OPALIN: variants seen among roughly 807,000 people sequenced by gnomAD.
OPALIN encodes the protein transmembrane protein 10.
In OPALIN, 15 loss-of-function variants were observed where a neutral mutation model predicts 17.8. The observed-to-expected ratio is 0.84, with a 90% CI of 0.56 to 1.29. The LOEUF (loss-of-function observed/expected upper bound fraction) is 1.29. OPALIN is among the 50% of genes most tolerant of loss of function. OPALIN has a pLI of 0.00. For missense variants in OPALIN, 170 were observed against 176.0 expected, an observed-to-expected ratio of 0.97 and a Z score of 0.19; for synonymous variants, 62 against 63.8, an observed-to-expected ratio of 0.97 and a Z score of 0.14.
intron 1 of OPALIN, chr10:96,356,864 G>C: frequency 1.0e-6 from 1 of 984,832 alleles, no homozygotes; most frequent in Non-Finnish European, 1.2e-6. Flanking sequence ...TCAAGAATTT[G>C]AACAGGTTTC....
Position 96,346,121 on chromosome 10 carries a change from A to C in OPALIN, c.250-4T>G. Reference sequence around the variant, plus strand: ...GTGTGGGTGATCTCCTAGGATTCTTAAGGAAACAAATAGGTTTTTTAAAAA... The same window carrying C: ...GTGTGGGTGATCTCCTAGGATTCTTCAGGAAACAAATAGGTTTTTTAAAAA... On this transcript the variant is annotated splice_region_variant and splice_polypyrimidine_tract_variant and intron_variant, in intron 5 of 5. Transcript: ENST00000371172. 2 of 1,612,714 alleles carry C rather than the reference A, an allele frequency of 1.2e-6. No homozygotes were observed. Among genetic ancestry groups the C allele is most frequent in the African/African-American group, 2.7e-5 (2 of 74,964 alleles).
chr10:96,357,088 G>T lies in OPALIN; in HGVS notation c.4-1798C>A, dbSNP rs994536388. ...TAGGTCAGGGTCCTCTTGCTCAAGG[G>T]ACCTAACCACTGCTCTTCACGCTAG... On this transcript the variant is annotated intron_variant, in intron 1 of 5. Coordinates refer to ENST00000371172, the MANE Select transcript of OPALIN (RefSeq NM_033207.5). The T allele has an allele frequency of 9.1e-6, 9 of 985,330 alleles. No homozygotes were observed. In the East Asian group the frequency reaches 7.9e-4, roughly 87 times the overall value. The allele number at this position is 985,330 out of a possible 1,614,324, so 61.0% of individuals were successfully genotyped here. A position where few individuals can be genotyped will look rare whatever the true frequency, so the allele number is the denominator to read the frequency against.
intron 5 of OPALIN, among the ~76,000 whole-genome samples, chr10:96,347,298 T>C (rs1299089232): frequency 6.6e-6 from 1 of 152,104 alleles, no homozygotes; most frequent in Non-Finnish European, 1.5e-5. Flanking sequence ...TTCACCATGT[T>C]GGCCAGGCTG....
intron 2 of OPALIN, among the ~76,000 whole-genome samples, chr10:96,351,651 G>A (rs1845587155): frequency 6.6e-6 from 1 of 152,182 alleles, no homozygotes; most frequent in African/African-American, 2.4e-5. Context: ...TATTCACCCT[G>A]TGGATGTACC....
At chr10:96,348,785 G>T (rs1214505748) in intron 4 of OPALIN, among the ~76,000 whole-genome samples, 3 of 152,210 alleles carry the variant, frequency 2.0e-5, no homozygotes, top group African/African-American at 4.8e-5. Context: ...TGCACTGGAG[G>T]TTGAGAAACT....
At chr10:96,349,222 C>T (rs1845466606) in intron 4 of OPALIN, among the ~76,000 whole-genome samples, 1 of 152,006 alleles carries the variant, frequency 6.6e-6, no homozygotes, top group Admixed American at 6.6e-5. Flanking sequence ...AAGCATAGTC[C>T]CCAGAACAGT....
intron 5 of OPALIN, among the ~76,000 whole-genome samples, 198 bp from the exon 6 acceptor site, chr10:96,346,315 A>G (rs1845320818): frequency 6.6e-6 from 1 of 152,224 alleles, no homozygotes; most frequent in African/African-American, 2.4e-5. Flanking sequence ...AAATGAGGAG[A>G]GACCCACAAT....
In OPALIN at chr10:96,358,949, T is replaced by C; in HGVS notation, c.-53A>G. 6.2e-7 allele frequency: 1 copy of C among 1,600,202 alleles called. No homozygotes were observed. The highest frequency in any genetic ancestry group is 1.7e-5 in the Admixed American group (1 of 59,952). ...CGTACACTGCCTTTGGTAAGCTCCT[T>C]TCTCACTGGCTTTATTGGCTTGTGT... On this transcript the variant is annotated 5_prime_UTR_variant, in exon 1 of 6. Coordinates refer to ENST00000371172, the MANE Select transcript of OPALIN (RefSeq NM_033207.5).
chr10:96,350,248 C>T (rs1390589727), intron 3 of OPALIN, among the ~76,000 whole-genome samples: 2 of 152,208 alleles, frequency 1.3e-5, no homozygotes, highest in South Asian at 4.1e-4. Flanking sequence ...TGGAGTCTTG[C>T]TCTGTTGCCC....
intron 1 of OPALIN, 72 bp downstream of exon 1, chr10:96,358,817 ACATTT>A: frequency 7.0e-7 from 1 of 1,427,592 alleles, no homozygotes; most frequent in Non-Finnish European, 9.9e-7. Context: ...ACTTCATTGT[ACATTT>A]AATTGAATTT....
rs774522847 is a variant in OPALIN at position 96,355,237 on chromosome 10, G to A, written c.39+18C>T. On this transcript the variant is annotated intron_variant, in intron 2 of 5. Coordinates refer to ENST00000371172, the MANE Select transcript of OPALIN (RefSeq NM_033207.5). ...GTCTTCTCTGCGTTGCCTGGTGAAT[G>A]GGGGCTGCTGTACTTACTGTGTTCG... The A allele has an allele frequency of 3.1e-6, 5 of 1,612,726 alleles. No homozygotes were observed. In the South Asian group the frequency reaches 3.3e-5, roughly 11 times the overall value.
Position 96,351,368 on chromosome 10 carries a change from A to G in OPALIN, c.72+10T>C. On this transcript the variant is annotated intron_variant, in intron 3 of 5. Transcript: ENST00000371172. Reference sequence around the variant, plus strand: ...TATCCCCATTTTATAAATTTAAGTGATATAGTTACCGTTTCTTTCCCACCT... The same window carrying G: ...TATCCCCATTTTATAAATTTAAGTGGTATAGTTACCGTTTCTTTCCCACCT... 6.8e-7 allele frequency: 1 copy of G among 1,476,654 alleles called. No homozygotes were observed. The highest frequency in any genetic ancestry group is 1.2e-5 in the South Asian group (1 of 81,732). The allele number at this position is 1,476,654 out of a possible 1,614,324, so 91.5% of individuals were successfully genotyped here.
intron 5 of OPALIN, among the ~76,000 whole-genome samples, chr10:96,347,914 G>T (rs1020198177): frequency 6.6e-6 from 1 of 152,190 alleles, no homozygotes; most frequent in African/African-American, 2.4e-5. Context: ...TAGGTATGAT[G>T]TTAGCTGTAA....
chr10:96,348,867 T>A (rs929147829), intron 4 of OPALIN, among the ~76,000 whole-genome samples: 15 of 152,208 alleles, frequency 9.9e-5, no homozygotes, highest in African/African-American at 3.4e-4. Context: ...TGTCAACACA[T>A]CTTTACATGT....
intron 2 of OPALIN, among the ~76,000 whole-genome samples, chr10:96,354,577 A>G (rs1845724791): frequency 6.6e-6 from 1 of 152,224 alleles, no homozygotes. Context: ...ATATAAAATT[A>G]TATGTAGAGT....
intron 2 of OPALIN, 91 bp downstream of exon 2, chr10:96,355,164 G>T (rs1845764180): frequency 7.9e-6 from 5 of 634,458 alleles, no homozygotes; most frequent in Middle Eastern, 3.0e-4. Flanking sequence ...ATCACCGTGT[G>T]TGAGGGGTTT....
chr10:96,344,250 C>G lies in OPALIN; in HGVS notation c.*1691G>C, dbSNP rs1470153264. The G allele has an allele frequency of 1.3e-5, 2 of 152,530 alleles. No homozygotes were observed. Among genetic ancestry groups the G allele is most frequent in the Non-Finnish European group, 2.9e-5 (2 of 68,364 alleles). 9.4% of individuals were successfully genotyped at this position (152,530 alleles called of 1,614,324 possible). A position where few individuals can be genotyped will look rare whatever the true frequency, so the allele number is the denominator to read the frequency against. ...AAACTCTTGCCTTCCCCGCGGCCCC[C>G]CATCTTTACTTTCAACACACACACA... On this transcript the variant is annotated 3_prime_UTR_variant, in exon 6 of 6. Coordinates refer to ENST00000371172, the MANE Select transcript of OPALIN (RefSeq NM_033207.5).
In OPALIN at chr10:96,343,760, G is replaced by A. The variant is rs1384936504; in HGVS notation, c.*2181C>T. The A allele has an allele frequency of 2.0e-5, 3 of 152,242 alleles. No homozygotes were observed. Among genetic ancestry groups the A allele is most frequent in the Non-Finnish European group, 4.4e-5 (3 of 68,048 alleles). The allele number at this position is 152,242 out of a possible 1,614,324, so 9.4% of individuals were successfully genotyped here. ...AAAGGGGCTTTGAAGAGCAGGTATT[G>A]ACATGTGGCAGAGATTGGGTTCATA... On this transcript the variant is annotated 3_prime_UTR_variant, in exon 6 of 6. Transcript: ENST00000371172.
chr10:96,348,016 T>G (rs1241273265), intron 5 of OPALIN, among the ~76,000 whole-genome samples: 1 of 152,240 alleles, frequency 6.6e-6, no homozygotes, highest in Non-Finnish European at 1.5e-5. Context: ...TTTTTTGAAC[T>G]TTCTTCCCCT....
Sources: gnomAD v4.1 joint callset for allele counts (sites outside exome capture counted in the v4.1 genomes callset) on GRCh38, gnomAD v4.1.1 for gene constraint, MANE v1.5 for transcripts, NCBI Gene and HGNC (gene_info 2026-07-23, HGNC 2026-07-21) for gene names.